The following FGF13 variants were observed in gnomAD, a reference collection of about 807,000 sequenced individuals.
The protein encoded by FGF13 is fibroblast growth factor homologous factor 2.
In FGF13, 2 loss-of-function variants were observed where a neutral mutation model predicts 19.5. That is an observed-to-expected ratio of 0.10 (90% CI 0.04 to 0.32). The LOEUF (loss-of-function observed/expected upper bound fraction) is 0.32, where lower values mean the gene tolerates loss of function less well. FGF13 is among the 10% of genes least tolerant of loss of function. The pLI is 1.00. For synonymous variants in FGF13, 72 were observed against 76.9 expected, an observed-to-expected ratio of 0.94 and a Z score of 0.33; for missense variants, 113 against 192.7, an observed-to-expected ratio of 0.59 and a Z score of 2.45.
At chrX:139,121,130 T>C (rs2083674283) in intron 1 of FGF13, among the ~76,000 whole-genome samples, 1 of 112,013 alleles carries the variant, frequency 8.9e-6, no homozygotes, top group Non-Finnish European at 1.9e-5. Context: ...GATTCTGACA[T>C]CATTATAATT....
rs147379714 is a variant in FGF13 at position 138,718,879 on chromosome X, C to T, written c.29-9951G>A. On this transcript the variant is annotated intron_variant, in intron 1 of 4. Transcript: ENST00000305414. ...AAATGGTGATAACACTCAATAAATA[C>T]TATGGTTATAGTTGGACAAGCAACT... 1.6e-4 allele frequency among the ~76,000 whole-genome samples: 18 copies of T among 112,378 alleles called. No homozygotes were observed. In the East Asian group the frequency reaches 4.5e-3, roughly 28 times the overall value.
chrX:139,177,238 C>CTTTTTTTTTTTTTTT (rs35867493), intron 1 of FGF13, among the ~76,000 whole-genome samples: 11 of 49,941 alleles, frequency 2.2e-4, no homozygotes, highest in African/African-American at 7.8e-4. Context: ...GCAACCCCTG[C>CTTTTTTTTTTTTTTT]TTTTTTTTTT....
chrX:138,785,184 G>A (rs2090682747), intron 3 of FGF13, among the ~76,000 whole-genome samples: 1 of 111,692 alleles, frequency 9.0e-6, no homozygotes, highest in Admixed American at 9.5e-5. Context: ...TCGCTCCATG[G>A]CTAACTCCTC....
rs766060682 is a variant in FGF13, at chrX:138,617,390, T to C, written c.*15460A>G. 1 of 111,931 alleles carries C rather than the reference T, an allele frequency of 8.9e-6. No individual in the cohort carries two copies. The highest frequency in any genetic ancestry group is 3.7e-4 in the South Asian group (1 of 2,692). The allele number at this position is 111,931 out of a possible 1,213,427, so 9.2% of individuals were successfully genotyped here. A position where few individuals can be genotyped will look rare whatever the true frequency, so the allele number is the denominator to read the frequency against. ...ATGGATATATTTTCATAATGAAATG[T>C]TGGGGGAAATACTTGGAAGTGAATA... On this transcript the variant is annotated 3_prime_UTR_variant, in exon 5 of 5. Coordinates refer to ENST00000315930, the MANE Select transcript of FGF13 (RefSeq NM_004114.5).
At chrX:139,107,009 CT>C (rs201138057) in intron 1 of FGF13, among the ~76,000 whole-genome samples, 11,588 of 110,342 alleles carry the variant, frequency 0.11, 455 homozygotes, top group South Asian at 0.2. Context: ...CAAAGCTATG[CT>C]ATTTTTTTTT....
At chrX:138,755,512 T>A (rs1569384569) in intron 3 of FGF13, among the ~76,000 whole-genome samples, 1 of 112,701 alleles carries the variant, frequency 8.9e-6, no homozygotes, top group Non-Finnish European at 1.9e-5. Flanking sequence ...TTCTCACATT[T>A]AGCCTAGTAT....
In FGF13 at chrX:138,964,089, G is replaced by T. The variant is rs1249144019; in HGVS notation, c.-112-99439C>A. 4.5e-5 allele frequency among the ~76,000 whole-genome samples: 5 copies of T among 111,833 alleles called. No individual in the cohort carries two copies. The East Asian group carries it at 1.4e-3, about 31-fold the overall frequency. On this transcript the variant is annotated intron_variant, in intron 1 of 2. Coordinates refer to the FGF13 transcript ENST00000421460. Reference sequence around the variant, plus strand: ...ACTTAAACATTAAGCAAACAATGTAGGAGTTGATAAGAAAGTCCCAAGGAT... The same window carrying T: ...ACTTAAACATTAAGCAAACAATGTATGAGTTGATAAGAAAGTCCCAAGGAT...
chrX:139,191,136 A>G (rs1245816331), intron 1 of FGF13, among the ~76,000 whole-genome samples: 1 of 111,795 alleles, frequency 8.9e-6, no homozygotes, highest in Non-Finnish European at 1.9e-5. Context: ...CAGAGCAACT[A>G]CTCTCATTTC....
At chrX:139,034,121 A>C (rs2092242129) in intron 1 of FGF13, among the ~76,000 whole-genome samples, 1 of 111,659 alleles carries the variant, frequency 9.0e-6, no homozygotes, top group African/African-American at 3.3e-5. Context: ...ACAGCAAAAT[A>C]TATGCTTTGA....
intron 1 of FGF13, among the ~76,000 whole-genome samples, chrX:139,167,936 T>C: frequency 8.9e-6 from 1 of 112,385 alleles, no homozygotes; most frequent in Admixed American, 9.5e-5. Context: ...CCAATATCTA[T>C]TCTTTCAAAA....
At chrX:138,702,051 G>A (rs1206352806) in intron 3 of FGF13, among the ~76,000 whole-genome samples, 1 of 111,876 alleles carries the variant, frequency 8.9e-6, no homozygotes, top group Non-Finnish European at 1.9e-5. Flanking sequence ...GGGAGGCCAT[G>A]GCAGGCGGAT....
chrX:138,800,063 G>A (rs1346700006), intron 3 of FGF13, among the ~76,000 whole-genome samples: 1 of 111,866 alleles, frequency 8.9e-6, no homozygotes, highest in Non-Finnish European at 1.9e-5. Context: ...GGGGCATTTA[G>A]CCCATTTACA....
chrX:139,204,004 G>A (rs932077874), upstream of FGF13: 3 of 1,166,486 alleles, frequency 2.6e-6, no homozygotes, highest in African/African-American at 3.6e-5. Context: ...GCGCACGCGA[G>A]GGGGCGAGGG....
At chrX:138,858,672 G>A (rs753020755) in intron 2 of FGF13, among the ~76,000 whole-genome samples, 1 of 110,679 alleles carries the variant, frequency 9.0e-6, no homozygotes, top group Admixed American at 9.7e-5. Context: ...TCTACTACCC[G>A]AAATGCATAC....
intron 1 of FGF13, among the ~76,000 whole-genome samples, chrX:138,867,941 G>C (rs909455624): frequency 9.0e-6 from 1 of 111,183 alleles, no homozygotes; most frequent in South Asian, 3.8e-4. Context: ...ACTTATAACT[G>C]CTGGTCCAGA....
intron 1 of FGF13, among the ~76,000 whole-genome samples, chrX:138,872,087 A>G (rs755733338): frequency 8.9e-6 from 1 of 112,203 alleles, no homozygotes; most frequent in South Asian, 3.7e-4. Flanking sequence ...GACCAGTGGC[A>G]GTTGTGTAGT....
chrX:139,103,593 G>A (rs2083533274), intron 1 of FGF13, among the ~76,000 whole-genome samples: 1 of 112,038 alleles, frequency 8.9e-6, no homozygotes, highest in South Asian at 3.7e-4. Flanking sequence ...ACATGTTAAT[G>A]TTCTAAAACT....
At chrX:138,967,639 A>T (rs911986543) in intron 1 of FGF13, among the ~76,000 whole-genome samples, 1 of 111,402 alleles carries the variant, frequency 9.0e-6, no homozygotes, top group African/African-American at 3.3e-5. Flanking sequence ...CATCCATGAC[A>T]TCTGGGTGGA....
chrX:138,799,775 A>G (rs771833878), intron 3 of FGF13, among the ~76,000 whole-genome samples: 1 of 111,732 alleles, frequency 8.9e-6, no homozygotes, highest in East Asian at 2.8e-4. Context: ...TATTGGGTGC[A>G]TATATATTTA....
Sources: allele counts gnomAD v4.1 joint callset (sites outside exome capture counted in the v4.1 genomes callset), GRCh38; gene constraint gnomAD v4.1.1; transcripts MANE v1.5; gene names NCBI Gene and HGNC (gene_info 2026-07-23, HGNC 2026-07-21).